EIF3J: variants seen among roughly 807,000 people sequenced by gnomAD.
EIF3J encodes the protein eukaryotic translation initiation factor 3, subunit 1 (alpha, 35kD).
EIF3J carries 15 observed loss-of-function variants against 39.0 expected under a neutral mutation model. The ratio of observed to expected loss-of-function variants is 0.38; its 90% confidence interval spans 0.26 to 0.59. The LOEUF is 0.59. Among genes scored for constraint, EIF3J ranks in the 20% least tolerant of loss-of-function variants. The probability of loss-of-function intolerance (pLI) is 0.60; values close to 1 mark genes in which losing one functional copy is unlikely to be tolerated. For synonymous variants in EIF3J, 98 were observed against 112.9 expected (o/e 0.87, Z 0.84); for missense variants, 226 against 308.6 (o/e 0.73, Z 2.00).
At chr15:44,544,542 A>G (rs529677310) in intron 2 of EIF3J, among the ~76,000 whole-genome samples, 1 of 151,124 alleles carries the variant, frequency 6.6e-6, no homozygotes, top group South Asian at 2.1e-4. Context: ...CATCTCTACT[A>G]AAAATACAAA....
At chr15:44,537,990 C>G (rs80157789) in intron 2 of EIF3J, among the ~76,000 whole-genome samples, 2,008 of 152,260 alleles carry the variant, frequency 0.013, 55 homozygotes, top group African/African-American at 0.046. Flanking sequence ...CCTTCCCCCA[C>G]CCTGTGGTAA....
intron 2 of EIF3J, among the ~76,000 whole-genome samples, chr15:44,540,267 A>ATATT (rs1349416377): frequency 6.5e-4 from 40 of 61,418 alleles, no homozygotes; most frequent in African/African-American, 2.4e-3. Context: ...ATATATATAT[A>ATATT]TTTTTTTTTT....
At position 44,551,519 on chromosome 15, in the gene EIF3J, G is replaced by T. The variant is rs996626742; in HGVS notation, c.291G>T (p.Lys97Asn). Reference sequence around the variant, plus strand: ...AGAAAAGGCAAGAAGAAATTAAAAAGAGGGTAAATTCTGTTTTCTAAAATA... The same window carrying T: ...AGAAAAGGCAAGAAGAAATTAAAAATAGGGTAAATTCTGTTTTCTAAAATA... Reference protein sequence around the residue: ...QQKKRQEEIKKRLEEPEEPKV... With the variant: ...QQKKRQEEIKNRLEEPEEPKV... The change falls in exon 4 of 8, where the codon AAG becomes AAT. Residue 97 changes from lysine (K) to asparagine (N), a missense_variant. Physicochemically the swap from Lys to Asn is moderately conservative, Grantham distance 94. Coordinates refer to ENST00000261868, the MANE Select transcript of EIF3J (RefSeq NM_003758.4). The T allele has an allele frequency of 6.3e-7, 1 of 1,585,942 alleles. No homozygotes were observed. Among genetic ancestry groups the T allele is most frequent in the African/African-American group, 1.4e-5 (1 of 73,284 alleles).
At chr15:44,539,686 C>T (rs1350409635) in intron 2 of EIF3J, among the ~76,000 whole-genome samples, 1 of 151,938 alleles carries the variant, frequency 6.6e-6, no homozygotes, top group African/African-American at 2.4e-5. Context: ...AGGCGTGAGC[C>T]ACCACACCCG....
intron 2 of EIF3J, among the ~76,000 whole-genome samples, chr15:44,537,651 G>T (rs1340394949): frequency 1.3e-5 from 2 of 152,252 alleles, no homozygotes; most frequent in African/African-American, 4.8e-5. Flanking sequence ...GCTCTCCGGC[G>T]TGGATCCCAC....
intron 2 of EIF3J, among the ~76,000 whole-genome samples, chr15:44,546,296 G>T (rs1387411825): frequency 6.6e-6 from 1 of 152,132 alleles, no homozygotes; most frequent in Admixed American, 6.5e-5. Flanking sequence ...GGGTTAAATT[G>T]CTGAAGTAAG....
At chr15:44,547,860 G>A (rs1307187685) in intron 2 of EIF3J, among the ~76,000 whole-genome samples, 4 of 152,118 alleles carry the variant, frequency 2.6e-5, no homozygotes, top group East Asian at 1.9e-4. Flanking sequence ...AGTATAGGAT[G>A]CTTTTTACAT....
intron 7 of EIF3J, 116 bp downstream of exon 7, chr15:44,560,438 C>A: frequency 1.1e-6 from 1 of 923,238 alleles, no homozygotes; most frequent in Non-Finnish European, 1.6e-6. Flanking sequence ...CTCACTAATA[C>A]CATTTAAGTT....
In EIF3J at chr15:44,551,500, G is replaced by A; in HGVS notation, c.272G>A (p.Arg91Lys). The change falls in exon 4 of 8, where the codon AGG (arginine) becomes AAG (lysine). Residue 91 changes from arginine to lysine, a missense_variant. Physicochemically the swap from Arg to Lys is conservative, Grantham distance 26. This residue lies in a region of EIF3J where 143 missense variants were observed against 156.0 expected (regional missense o/e 0.92). Transcript: ENST00000261868. ...GAGAAAGAACGGCAACAGAAGAAAAGGCAAGAAGAAATTAAAAAGAGGGTA... is the reference window on the plus strand; with the variant it reads ...GAGAAAGAACGGCAACAGAAGAAAAAGCAAGAAGAAATTAAAAAGAGGGTA... Reference protein sequence around the residue: ...IKEKERQQKKRQEEIKKRLEE... With the variant: ...IKEKERQQKKKQEEIKKRLEE... 6.3e-7 allele frequency: 1 copy of A among 1,590,970 alleles called. No homozygotes were observed. Among genetic ancestry groups the A allele is most frequent in the Non-Finnish European group, 8.5e-7 (1 of 1,171,582 alleles).
intron 2 of EIF3J, among the ~76,000 whole-genome samples, chr15:44,545,279 G>A (rs2082044379): frequency 6.6e-6 from 1 of 152,078 alleles, no homozygotes; most frequent in Non-Finnish European, 1.5e-5. Flanking sequence ...GAATTAAATT[G>A]TTTACCAGAC....
In EIF3J at chr15:44,554,487, CAATA is replaced by C. The variant is rs552536989; in HGVS notation, c.295-65_295-62del. 1.9e-5 allele frequency: 15 copies of C among 774,960 alleles called. No homozygotes were observed. In the East Asian group the frequency reaches 4.4e-4, roughly 23 times the overall value. 48.0% of individuals were successfully genotyped at this position (774,960 alleles called of 1,614,324 possible). ...ATATACGCTTATTTAAGAATTCGTA[CAATA>C]CAGAAAGGTACTGAGTGCATCATAA... On this transcript the variant is annotated intron_variant, in intron 4 of 7. Transcript: ENST00000261868.
At chr15:44,542,791 C>G (rs965346975) in intron 2 of EIF3J, among the ~76,000 whole-genome samples, 1 of 152,138 alleles carries the variant, frequency 6.6e-6, no homozygotes, top group African/African-American at 2.4e-5. Flanking sequence ...AGGCCCTATT[C>G]TAAGAAGCTA....
chr15:44,545,414 C>G (rs995290970), intron 2 of EIF3J, among the ~76,000 whole-genome samples: 1 of 152,058 alleles, frequency 6.6e-6, no homozygotes, highest in African/African-American at 2.4e-5. Context: ...GCATGTTACT[C>G]TAAAGATGTG....
intron 2 of EIF3J, among the ~76,000 whole-genome samples, chr15:44,549,764 CAAAAAAAAAA>C (rs774290941): frequency 3.5e-4 from 4 of 11,460 alleles, no homozygotes; most frequent in Non-Finnish European, 8.6e-4. Context: ...GACTCCGTCT[CAAAAAAAAAA>C]AAAAAAAAAA....
At chr15:44,542,699 G>A (rs994047126) in intron 2 of EIF3J, among the ~76,000 whole-genome samples, 1 of 152,226 alleles carries the variant, frequency 6.6e-6, no homozygotes, top group African/African-American at 2.4e-5. Flanking sequence ...TTAAAAAGCA[G>A]CCATCTCTTT....
Position 44,537,421 on chromosome 15 carries a change from C to G in EIF3J, c.141C>G (p.Asp47Glu). The G allele has an allele frequency of 6.4e-7, 1 of 1,554,744 alleles. No homozygotes were observed. The highest frequency in any genetic ancestry group is 8.7e-7 in the Non-Finnish European group (1 of 1,149,528). ...GGGAAGGCGAGGACGAGGACGAGGA[C>G]GTCAAGGTGGGTGCGGGCTAGGGCG... Reference protein sequence around the residue: ...DRWEGEDEDEDVKDNWDDDDD... With the variant: ...DRWEGEDEDEEVKDNWDDDDD... Residue 47 changes from aspartate to glutamate, a missense_variant, in exon 2 of 8, where the codon GAC becomes GAG. This residue lies in a region of EIF3J where 143 missense variants were observed against 156.0 expected (regional missense o/e 0.92). Coordinates refer to ENST00000261868, the MANE Select transcript of EIF3J (RefSeq NM_003758.4).
At chr15:44,537,491 G>T (rs2081969109) in intron 2 of EIF3J, 64 bp downstream of exon 2, 1 of 1,424,132 alleles carries the variant, frequency 7.0e-7, no homozygotes, top group African/African-American at 1.5e-5. Context: ...GGCCGACTCT[G>T]GGCCCCGGGT....
chr15:44,558,459 G>A (rs1259062138), intron 6 of EIF3J, among the ~76,000 whole-genome samples: 1 of 150,836 alleles, frequency 6.6e-6, no homozygotes, highest in Non-Finnish European at 1.5e-5. Flanking sequence ...AACCTGGGAG[G>A]CAAAGCTTGC....
At chr15:44,542,321 CAAATT>C (rs150875325) in intron 2 of EIF3J, among the ~76,000 whole-genome samples, 7,931 of 152,066 alleles carry the variant, frequency 0.052, 282 homozygotes, top group Non-Finnish European at 0.08. Flanking sequence ...TTACAGAACA[CAAATT>C]AAAGGCTTTT....
Sources: gnomAD v4.1 joint callset for allele counts (sites outside exome capture counted in the v4.1 genomes callset) on GRCh38, gnomAD v4.1.1 for gene constraint, gnomAD v4.1.1 regional missense constraint, MANE v1.5 for transcripts, NCBI Gene and HGNC (gene_info 2026-07-23, HGNC 2026-07-21) for gene names.